The following WNT9A variants were observed in gnomAD, a reference collection of about 807,000 sequenced individuals.
WNT9A encodes the protein Wnt family member 9A.
A neutral mutation model predicts 31.4 loss-of-function variants in WNT9A; 8 were observed. That is an observed-to-expected ratio of 0.26 (90% CI 0.15 to 0.46). The LOEUF (loss-of-function observed/expected upper bound fraction) is 0.46, where lower values mean the gene tolerates loss of function less well. WNT9A is among the 20% of genes least tolerant of loss of function. The pLI is 0.99. For missense variants in WNT9A, 457 were observed against 522.9 expected (o/e 0.87, Z 1.23); for synonymous variants, 236 against 220.1 (o/e 1.07, Z -0.64).
chr1:227,933,962 G>C (rs1666549935), intron 1 of WNT9A, among the ~76,000 whole-genome samples: 1 of 152,210 alleles, frequency 6.6e-6, no homozygotes, highest in Non-Finnish European at 1.5e-5. Context: ...TTTTGTGGCT[G>C]TCTTATTTCA....
chr1:227,930,999 CAA>C (rs34833730), intron 1 of WNT9A, among the ~76,000 whole-genome samples: 1 of 142,484 alleles, frequency 7.0e-6, no homozygotes, highest in Non-Finnish European at 1.5e-5. Flanking sequence ...GACTCCGTCT[CAA>C]AAAAAAAAAA....
intron 1 of WNT9A, among the ~76,000 whole-genome samples, chr1:227,930,818 C>G (rs1427903905): frequency 6.6e-6 from 1 of 152,152 alleles, no homozygotes; most frequent in East Asian, 1.9e-4. Flanking sequence ...GTCAGGAGTT[C>G]GAGACCAGCC....
intron 1 of WNT9A, among the ~76,000 whole-genome samples, chr1:227,945,441 G>T (rs1013294298): frequency 6.6e-6 from 1 of 152,200 alleles, no homozygotes; most frequent in Non-Finnish European, 1.5e-5. Flanking sequence ...GGAGGGCAGC[G>T]GGCGCCAGCC....
Position 227,918,937 on chromosome 1 carries a change from C to A in WNT9A, c.*2581G>T, listed in dbSNP as rs1189641372. 1 of 152,024 alleles carries A rather than the reference C, an allele frequency of 6.6e-6. No homozygotes were observed. The highest frequency in any genetic ancestry group is 2.4e-5 in the African/African-American group (1 of 41,398). The allele number at this position is 152,024 out of a possible 1,614,324, so 9.4% of individuals were successfully genotyped here. A position where few individuals can be genotyped will look rare whatever the true frequency, so the allele number is the denominator to read the frequency against. ...AAGGAGCGGGCTGAACCCCTCCCAACAGCCCTTTCTCCTCTACTGCCCCTC... is the reference window on the plus strand; with the variant it reads ...AAGGAGCGGGCTGAACCCCTCCCAAAAGCCCTTTCTCCTCTACTGCCCCTC... On this transcript the variant is annotated 3_prime_UTR_variant, in exon 4 of 4. Transcript: ENST00000272164.
chr1:227,933,390 T>G (rs1338138886), intron 1 of WNT9A, among the ~76,000 whole-genome samples: 3 of 152,366 alleles, frequency 2.0e-5, no homozygotes, highest in Admixed American at 2.0e-4. Flanking sequence ...GTGGCTGGTT[T>G]GATCTTCTAT....
intron 3 of WNT9A, among the ~76,000 whole-genome samples, chr1:227,923,290 A>C (rs1280344099): frequency 6.6e-6 from 1 of 152,110 alleles, no homozygotes; most frequent in Non-Finnish European, 1.5e-5. Flanking sequence ...CTGCCTGGCA[A>C]ATGTGAAGAT....
intron 1 of WNT9A, among the ~76,000 whole-genome samples, chr1:227,946,794 C>T (rs941578759): frequency 1.3e-5 from 2 of 152,218 alleles, no homozygotes; most frequent in Non-Finnish European, 2.9e-5. Context: ...GCCGGCCAGC[C>T]CGCCGCGCGC....
Position 227,927,576 on chromosome 1 carries a change from G to A in WNT9A, c.96-2057C>T, listed in dbSNP as rs187421106. 2.0e-3 allele frequency among the ~76,000 whole-genome samples: 309 copies of A among 152,310 alleles called. 3 individuals carry two copies. Among genetic ancestry groups the A allele is most frequent in the Non-Finnish European group, 2.9e-3 (196 of 68,016 alleles). ...CCAGGGCTAGGGATGGGATGTCCCA[G>A]GACATCTGGGCACACAGAGCACGGC... On this transcript the variant is annotated intron_variant, in intron 1 of 3. Coordinates refer to ENST00000272164, the MANE Select transcript of WNT9A (RefSeq NM_003395.4).
intron 1 of WNT9A, among the ~76,000 whole-genome samples, chr1:227,934,963 C>G (rs1046322221): frequency 1.3e-5 from 2 of 151,498 alleles, no homozygotes; most frequent in Non-Finnish European, 2.9e-5. Context: ...GAGTCACAGC[C>G]CCAGTTCACC....
At chr1:227,923,300 T>A (rs573661380) in intron 3 of WNT9A, among the ~76,000 whole-genome samples, 1 of 152,260 alleles carries the variant, frequency 6.6e-6, no homozygotes, top group Admixed American at 6.5e-5. Context: ...AATGTGAAGA[T>A]GAAGGCAGGA....
intron 1 of WNT9A, among the ~76,000 whole-genome samples, chr1:227,930,576 C>T (rs934467711): frequency 3.9e-5 from 6 of 152,132 alleles, no homozygotes; most frequent in African/African-American, 1.2e-4. Flanking sequence ...TGCATCACCC[C>T]GGTTTGCATA....
At position 227,919,394 on chromosome 1, in the gene WNT9A, C is replaced by T. The variant is rs902937130; in HGVS notation, c.*2124G>A. ...GCACATGTCGGGGTGCTCTCTGAAC[C>T]ACAGGAGAATAAAGGTTCTTATGTA... On this transcript the variant is annotated 3_prime_UTR_variant, in exon 4 of 4. Coordinates refer to ENST00000272164, the MANE Select transcript of WNT9A (RefSeq NM_003395.4). 5.9e-5 allele frequency: 9 copies of T among 152,240 alleles called. No individual in the cohort carries two copies. The highest frequency in any genetic ancestry group is 5.9e-4 in the Admixed American group (9 of 15,282). 9.4% of individuals were successfully genotyped at this position (152,240 alleles called of 1,614,324 possible). A position where few individuals can be genotyped will look rare whatever the true frequency, so the allele number is the denominator to read the frequency against.
intron 1 of WNT9A, among the ~76,000 whole-genome samples, chr1:227,944,170 C>T (rs972174792): frequency 2.8e-4 from 43 of 152,288 alleles, no homozygotes; most frequent in African/African-American, 1.0e-3. Context: ...AAAAATCTCT[C>T]GGAGAGTCTT....
chr1:227,932,697 C>T (rs1425074145), intron 1 of WNT9A, among the ~76,000 whole-genome samples: 5 of 152,190 alleles, frequency 3.3e-5, no homozygotes, highest in Admixed American at 6.5e-5. Context: ...AGAATTAATG[C>T]ACATTGTGTT....
chr1:227,922,845 C>T (rs1666346659), intron 3 of WNT9A, among the ~76,000 whole-genome samples: 1 of 152,214 alleles, frequency 6.6e-6, no homozygotes, highest in Admixed American at 6.5e-5. Flanking sequence ...CGCCAGCAGC[C>T]CCCAGGAGGG....
chr1:227,933,952 T>C (rs1666549854), intron 1 of WNT9A, among the ~76,000 whole-genome samples: 1 of 152,224 alleles, frequency 6.6e-6, no homozygotes, highest in South Asian at 2.1e-4. Flanking sequence ...AGCATTGACC[T>C]TTTGTGGCTG....
chr1:227,924,152 G>A lies in WNT9A; in HGVS notation c.601C>T (p.Leu201Phe). The A allele has an allele frequency of 7.1e-7, 1 of 1,400,722 alleles. No homozygotes were observed. The highest frequency in any genetic ancestry group is 9.6e-7 in the Non-Finnish European group (1 of 1,045,294). 86.8% of individuals were successfully genotyped at this position (1,400,722 alleles called of 1,614,324 possible). Residue 201 changes from leucine (L) to phenylalanine (F), a missense_variant, in exon 3 of 4, where the codon CTC becomes TTC. Coordinates refer to ENST00000272164, the MANE Select transcript of WNT9A (RefSeq NM_003395.4). ...LRARVDFHNN[L>F]VGVKVIKAGV... ...ACCCCACTTGCCTTCACACCCACGA[G>A]GTTGTTGTGGAAGTCCACACGGGCT...
chr1:227,923,130 G>A (rs913296194), intron 3 of WNT9A, among the ~76,000 whole-genome samples: 6 of 152,248 alleles, frequency 3.9e-5, no homozygotes, highest in Admixed American at 6.5e-5. Context: ...CCAAGAAGGC[G>A]GAAGGAGGCA....
At chr1:227,940,365 A>G (rs958291600) in intron 1 of WNT9A, among the ~76,000 whole-genome samples, 1 of 152,240 alleles carries the variant, frequency 6.6e-6, no homozygotes, top group South Asian at 2.1e-4. Flanking sequence ...ACAGCCCCCC[A>G]TGGCCTTCCC....
Sources: gnomAD v4.1 joint callset for allele counts (sites outside exome capture counted in the v4.1 genomes callset) on GRCh38, gnomAD v4.1.1 for gene constraint, MANE v1.5 for transcripts, NCBI Gene and HGNC (gene_info 2026-07-23, HGNC 2026-07-21) for gene names.